The following KATNIP variants were observed in gnomAD, a reference collection of about 807,000 sequenced individuals.
KATNIP encodes the protein katanin-interacting protein.
Under a neutral mutation model 174.0 loss-of-function variants are expected in KATNIP, and 126 were observed. The observed-to-expected ratio is 0.72, with a 90% confidence interval of 0.63 to 0.84. The LOEUF (loss-of-function observed/expected upper bound fraction) is 0.84, where lower values mean the gene tolerates loss of function less well. KATNIP is among the 40% of genes least tolerant of loss of function. The probability of loss-of-function intolerance (pLI) is 0.00; values close to 1 mark genes in which losing one functional copy is unlikely to be tolerated. For synonymous variants in KATNIP, 810 were observed against 835.7 expected, an observed-to-expected ratio of 0.97 and a Z score of 0.53; for missense variants, 1,958 against 2,109.7, an observed-to-expected ratio of 0.93 and a Z score of 1.41.
chr16:27,766,759 C>T (rs967170059), intron 20 of KATNIP, among the ~76,000 whole-genome samples: 2 of 152,188 alleles, frequency 1.3e-5, no homozygotes, highest in African/African-American at 4.8e-5. Flanking sequence ...TCAGTTTTGT[C>T]CCTCAAGTCC....
At chr16:27,771,711 G>A (rs1252246083) in intron 22 of KATNIP, 59 bp downstream of exon 22, 62 of 1,547,354 alleles carry the variant, frequency 4.0e-5, no homozygotes, top group East Asian at 9.0e-5. Context: ...CGCCTGGGCC[G>A]CAACTGCCCA....
chr16:27,754,276 T>C (rs373202796), intron 18 of KATNIP, 25 bp downstream of exon 18: 9 of 1,602,840 alleles, frequency 5.6e-6, no homozygotes, highest in Non-Finnish European at 7.7e-6. Context: ...TGGAGCAGTG[T>C]TGGGTGGAAG....
intron 7 of KATNIP, chr16:27,681,095 G>T (rs928171833): frequency 3.1e-6 from 1 of 318,366 alleles, no homozygotes; most frequent in African/African-American, 2.1e-5. Context: ...GCCTCCCAAA[G>T]CACCGGGATT....
chr16:27,704,128 C>G (rs967431891), intron 12 of KATNIP, 130 bp downstream of exon 12: 13 of 692,536 alleles, frequency 1.9e-5, no homozygotes, highest in Admixed American at 4.7e-5. Flanking sequence ...CACCGCCCCC[C>G]CCCTCCCTGG....
intron 15 of KATNIP, among the ~76,000 whole-genome samples, chr16:27,748,658 T>C (rs78968523): frequency 0.014 from 2,115 of 150,958 alleles, 46 homozygotes; most frequent in African/African-American, 0.048. Context: ...AGTGGTCATG[T>C]GTATAATCCC....
At chr16:27,615,672 G>A (rs1280035041) in intron 2 of KATNIP, among the ~76,000 whole-genome samples, 1 of 151,988 alleles carries the variant, frequency 6.6e-6, no homozygotes, top group Non-Finnish European at 1.5e-5. Context: ...GAATCTTAAT[G>A]ATTATCATGA....
chr16:27,762,032 G>A lies in KATNIP; in HGVS notation c.3809+442G>A, dbSNP rs112650428. Among the ~76,000 whole-genome samples the A allele has an allele frequency of 1.7e-3, 261 of 152,302 alleles. 1 individual carries two copies. In the East Asian group the frequency reaches 0.02, roughly 12 times the overall value. ...GATGGCTCAGGAAGCCTCCACAGGC[G>A]GTGGTGGCTGCACTTTCCCCTGCAC... On this transcript the variant is annotated intron_variant, in intron 19 of 27. Transcript: ENST00000261588.
intron 13 of KATNIP, among the ~76,000 whole-genome samples, chr16:27,713,842 A>ATGTGTGTGTGTGTGTGTG (rs1334587600): frequency 7.0e-5 from 5 of 71,064 alleles, no homozygotes; most frequent in Admixed American, 1.7e-4. Flanking sequence ...ATATATATAT[A>ATGTGTGTGTGTGTGTGTG]TATATATATA....
At chr16:27,771,519 AG>A in intron 21 of KATNIP, 68 bp from the exon 22 acceptor site, 1 of 1,455,754 alleles carries the variant, frequency 6.9e-7, no homozygotes. Context: ...GCTGTTACCT[AG>A]GGGGTAACTG....
rs748525535 is a variant in KATNIP at position 27,769,817 on chromosome 16, A to G, written c.3976-44A>G. The G allele has an allele frequency of 4.4e-6, 7 of 1,602,526 alleles. No individual in the cohort carries two copies. The Admixed American group carries it at 5.0e-5, about 11-fold the overall frequency. The stretch of plus-strand genomic sequence containing the variant: ...ACGTCAGCACCGCTTCTGTCCCCAC[A>G]TGGCCTGCCTCCCTTCAGTCATGTT... On this transcript the variant is annotated intron_variant, in intron 20 of 27. Transcript: ENST00000261588.
intron 8 of KATNIP, among the ~76,000 whole-genome samples, chr16:27,684,499 A>G (rs544451144): frequency 2.4e-4 from 36 of 152,196 alleles, no homozygotes; most frequent in Non-Finnish European, 4.4e-4. Flanking sequence ...TCATCAATAT[A>G]TATATATTAG....
At chr16:27,593,479 C>G (rs1263532758) in intron 2 of KATNIP, among the ~76,000 whole-genome samples, 1 of 152,152 alleles carries the variant, frequency 6.6e-6, no homozygotes, top group African/African-American at 2.4e-5. Flanking sequence ...CTCAGGTGAT[C>G]TGCCTGCCTT....
intron 6 of KATNIP, among the ~76,000 whole-genome samples, chr16:27,665,401 A>AAC (rs2077647474): frequency 6.6e-6 from 1 of 151,780 alleles, no homozygotes; most frequent in African/African-American, 2.4e-5. Flanking sequence ...CACTGTGCCC[A>AAC]GCATGCTTCC....
intron 6 of KATNIP, among the ~76,000 whole-genome samples, chr16:27,667,014 C>T (rs1258181759): frequency 1.3e-5 from 2 of 151,976 alleles, no homozygotes; most frequent in Non-Finnish European, 2.9e-5. Flanking sequence ...ATGGGGGACA[C>T]GTATATTCAA....
At chr16:27,739,884 C>G (rs2081035325) in intron 14 of KATNIP, among the ~76,000 whole-genome samples, 157 bp from the exon 15 acceptor site, 1 of 152,182 alleles carries the variant, frequency 6.6e-6, no homozygotes. Flanking sequence ...GAAATGAGAC[C>G]AAGCCTAGTT....
At chr16:27,771,491 T>G (rs1456334931) in intron 21 of KATNIP, 97 bp from the exon 22 acceptor site, 1 of 1,190,820 alleles carries the variant, frequency 8.4e-7, no homozygotes, top group African/African-American at 1.5e-5. Flanking sequence ...AACGCTAAAC[T>G]GCCATGTTTC....
At position 27,708,931 on chromosome 16, in the gene KATNIP, G is replaced by GAAGCAATCCA; in HGVS notation, c.1605+11_1605+12insAAGCAATCCA. ...AACAGGAACTTAGCTGTGAGTGGAAGGGGCACTGGATTGCTTCTTGGCTGT... is the reference window on the plus strand; with the variant it reads ...AACAGGAACTTAGCTGTGAGTGGAAGAAGCAATCCAGGGCACTGGATTGCTTCTTGGCTGT... On this transcript the variant is annotated intron_variant, in intron 13 of 27. Coordinates refer to ENST00000261588, the MANE Select transcript of KATNIP (RefSeq NM_015202.5). 6.2e-7 allele frequency: 1 copy of GAAGCAATCCA among 1,601,770 alleles called. No homozygotes were observed. The highest frequency in any genetic ancestry group is 8.5e-7 in the Non-Finnish European group (1 of 1,170,916).
At chr16:27,638,122 C>T (rs1486701982) in intron 5 of KATNIP, among the ~76,000 whole-genome samples, 2 of 152,214 alleles carry the variant, frequency 1.3e-5, no homozygotes, top group Non-Finnish European at 2.9e-5. Flanking sequence ...ATCCCTTTCT[C>T]AGGGCATGGC....
chr16:27,754,625 G>C, intron 18 of KATNIP: 1 of 183,164 alleles, frequency 5.5e-6, no homozygotes, highest in Non-Finnish European at 1.1e-5. Context: ...TTGGTGCAGT[G>C]CCCCGAGCTG....
Sources: gnomAD v4.1 joint callset for allele counts (sites outside exome capture counted in the v4.1 genomes callset) on GRCh38, gnomAD v4.1.1 for gene constraint, MANE v1.5 for transcripts, NCBI Gene and HGNC (gene_info 2026-07-23, HGNC 2026-07-21) for gene names.